TPTE: variants seen among roughly 807,000 people sequenced by gnomAD.
TPTE encodes the protein putative tyrosine-protein phosphatase TPTE.
TPTE carries 59 observed loss-of-function variants against 84.1 expected under a neutral mutation model. The ratio of observed to expected loss-of-function variants is 0.70; its 90% CI spans 0.57 to 0.87. The LOEUF (loss-of-function observed/expected upper bound fraction) is 0.87, where lower values mean the gene tolerates loss of function less well. Ranked by LOEUF, TPTE falls within the 40% of genes least tolerant of loss-of-function variation. The pLI is 0.00. For missense variants in TPTE, 382 were observed against 659.6 expected, an observed-to-expected ratio of 0.58 and a Z score of 4.61; for synonymous variants, 130 against 223.5, an observed-to-expected ratio of 0.58 and a Z score of 3.73.
chr21:10,565,053 T>A (rs1391279795), intron 10 of TPTE, among the ~76,000 whole-genome samples: 2 of 152,310 alleles, frequency 1.3e-5, no homozygotes, highest in Non-Finnish European at 2.9e-5. Context: ...CAAATTGGGA[T>A]GGAAGAAGTA....
intron 3 of TPTE, among the ~76,000 whole-genome samples, chr21:10,532,707 T>C (rs2074199885): frequency 6.6e-6 from 1 of 152,306 alleles, no homozygotes; most frequent in African/African-American, 2.4e-5. Flanking sequence ...CAGTTCTTAG[T>C]ATTTAAAATA....
At chr21:10,542,311 CTAGAG>C (rs1600871178) in intron 5 of TPTE, 79 bp from the exon 6 acceptor site, 1 of 1,520,044 alleles carries the variant, frequency 6.6e-7, no homozygotes, top group South Asian at 1.1e-5. Context: ...TGGTTTCTGT[CTAGAG>C]TAATGAAAGG....
chr21:10,551,397 G>A (rs2074571070), intron 7 of TPTE, among the ~76,000 whole-genome samples: 1 of 152,288 alleles, frequency 6.6e-6, no homozygotes, highest in South Asian at 2.1e-4. Flanking sequence ...TAACAAACCT[G>A]CACATTGTGC....
At chr21:10,539,374 C>T (rs2074325707) in intron 4 of TPTE, among the ~76,000 whole-genome samples, 1 of 152,310 alleles carries the variant, frequency 6.6e-6, no homozygotes, top group African/African-American at 2.4e-5. Flanking sequence ...TTCCTTAGGC[C>T]CACAGCTACT....
chr21:10,535,992 C>T (rs1323580532), intron 3 of TPTE, among the ~76,000 whole-genome samples: 536 of 152,170 alleles, frequency 3.5e-3, no homozygotes, highest in African/African-American at 0.01. Flanking sequence ...AAATAAATGC[C>T]ACTGGCCAGG....
chr21:10,548,269 C>A (rs1202413103), intron 7 of TPTE, among the ~76,000 whole-genome samples: 2 of 152,302 alleles, frequency 1.3e-5, no homozygotes, highest in South Asian at 2.1e-4. Context: ...CTTTAGGCCA[C>A]CCCACACAGA....
intron 3 of TPTE, among the ~76,000 whole-genome samples, chr21:10,536,667 A>G (rs1175178865): frequency 6.6e-6 from 1 of 152,310 alleles, no homozygotes; most frequent in South Asian, 2.1e-4. Context: ...CTATGGCCAT[A>G]CAGAATGTCT....
chr21:10,547,820 C>G (rs1458420564), intron 7 of TPTE, among the ~76,000 whole-genome samples: 1 of 152,308 alleles, frequency 6.6e-6, no homozygotes, highest in Non-Finnish European at 1.5e-5. Context: ...GGAAATCAAC[C>G]CCCACCACCA....
At chr21:10,584,319 G>T (rs1221003060) in intron 17 of TPTE, among the ~76,000 whole-genome samples, 1 of 150,476 alleles carries the variant, frequency 6.6e-6, no homozygotes, top group African/African-American at 2.4e-5. Flanking sequence ...CTTGCAGTTA[G>T]CAACTTTCCT....
At chr21:10,561,292 G>C (rs2074799115) in intron 10 of TPTE, 101 bp downstream of exon 10, 1 of 1,479,148 alleles carries the variant, frequency 6.8e-7, no homozygotes, top group Admixed American at 2.0e-5. Flanking sequence ...AGGAGTTCGA[G>C]ACGATCCTGG....
chr21:10,591,793 C>A (rs970204739), intron 18 of TPTE, among the ~76,000 whole-genome samples: 2 of 152,308 alleles, frequency 1.3e-5, no homozygotes, highest in African/African-American at 2.4e-5. Context: ...GTGTTTCTAG[C>A]TCTAAAATTT....
intron 8 of TPTE, among the ~76,000 whole-genome samples, chr21:10,553,287 A>G (rs1283133455): frequency 2.3e-4 from 35 of 152,414 alleles, no homozygotes; most frequent in Non-Finnish European, 4.7e-4. Flanking sequence ...TGAACTGCAG[A>G]CATATTCAGG....
intron 18 of TPTE, 65 bp downstream of exon 18, chr21:10,590,588 T>A (rs1214788772): frequency 3.1e-6 from 5 of 1,607,262 alleles, no homozygotes; most frequent in Non-Finnish European, 4.3e-6. Context: ...GAAACATCAC[T>A]GGCAGGACAT....
At chr21:10,524,113 A>G (rs191249299) in intron 1 of TPTE, among the ~76,000 whole-genome samples, 1 of 152,430 alleles carries the variant, frequency 6.6e-6, no homozygotes, top group African/African-American at 2.4e-5. Flanking sequence ...CAGAGTTCTT[A>G]CTACAGAACT....
At chr21:10,603,303 A>G (rs1178219956) in intron 22 of TPTE, among the ~76,000 whole-genome samples, 2 of 152,312 alleles carry the variant, frequency 1.3e-5, no homozygotes, top group African/African-American at 2.4e-5. Flanking sequence ...AAATAGCAGC[A>G]TTTAAATTAA....
At chr21:10,541,510 A>ACG (rs150585080) in intron 5 of TPTE, among the ~76,000 whole-genome samples, 1 of 152,268 alleles carries the variant, frequency 6.6e-6, no homozygotes, top group Non-Finnish European at 1.5e-5. Flanking sequence ...ACACACACAC[A>ACG]AAACAGTGAC....
intron 14 of TPTE, among the ~76,000 whole-genome samples, chr21:10,575,681 G>C (rs1600935524): frequency 6.6e-6 from 1 of 152,310 alleles, no homozygotes; most frequent in Non-Finnish European, 1.5e-5. Context: ...CATCTTTGCT[G>C]TTTCTCAGCC....
chr21:10,576,099 CATT>C (rs537606596), intron 14 of TPTE, among the ~76,000 whole-genome samples: 107 of 152,204 alleles, frequency 7.0e-4, no homozygotes, highest in African/African-American at 2.6e-3. Context: ...GAATATAAAT[CATT>C]GTCTTATAAA....
At chr21:10,568,163 C>T (rs2074965557) in intron 11 of TPTE, among the ~76,000 whole-genome samples, 1 of 152,308 alleles carries the variant, frequency 6.6e-6, no homozygotes, top group East Asian at 1.9e-4. Flanking sequence ...AGTTTAATAT[C>T]TGCTATATCA....
Sources: allele counts gnomAD v4.1 joint callset (sites outside exome capture counted in the v4.1 genomes callset), GRCh38; gene constraint gnomAD v4.1.1; transcripts MANE v1.5; gene names NCBI Gene and HGNC (gene_info 2026-07-23, HGNC 2026-07-21).